COL24A1: variants seen among roughly 807,000 people sequenced by gnomAD.
COL24A1 encodes collagen type XXIV alpha 1 chain, also known as collagen alpha-1(XXIV) chain.
Under a neutral mutation model 253.9 loss-of-function variants are expected in COL24A1, and 224 were observed. That is an observed-to-expected ratio of 0.88 (90% CI 0.79 to 0.99). COL24A1 has a LOEUF of 0.99. Among genes scored for constraint, COL24A1 ranks in the 50% least tolerant of loss-of-function variants. COL24A1 has a pLI of 0.00. For missense variants in COL24A1, 2,131 were observed against 2,068.5 expected, an observed-to-expected ratio of 1.03 and a Z score of -0.59; for synonymous variants, 685 against 673.7, an observed-to-expected ratio of 1.02 and a Z score of -0.26.
chr1:85,821,608 C>T (rs1673627267), intron 45 of COL24A1, among the ~76,000 whole-genome samples: 1 of 152,144 alleles, frequency 6.6e-6, no homozygotes, highest in African/African-American at 2.4e-5. Flanking sequence ...ATTCTTGTAG[C>T]AATTAATACT....
At chr1:85,828,000 T>C (rs1674621507) in intron 43 of COL24A1, among the ~76,000 whole-genome samples, 1 of 152,106 alleles carries the variant, frequency 6.6e-6, no homozygotes, top group South Asian at 2.1e-4. Context: ...TCTAGTTCTT[T>C]TAATTGTGAT....
intron 53 of COL24A1, among the ~76,000 whole-genome samples, chr1:85,764,836 C>T (rs769278286): frequency 5.9e-5 from 9 of 152,016 alleles, no homozygotes; most frequent in Non-Finnish European, 1.2e-4. Flanking sequence ...TGGCTTTGAA[C>T]TCCTGGGCTC....
intron 42 of COL24A1, among the ~76,000 whole-genome samples, chr1:85,840,608 C>A (rs530267292): frequency 4.5e-4 from 69 of 152,040 alleles, no homozygotes; most frequent in African/African-American, 1.6e-3. Flanking sequence ...TCATTTAATC[C>A]ATTTAATTTA....
chr1:85,933,100 A>G (rs1286580972), intron 24 of COL24A1, among the ~76,000 whole-genome samples: 1 of 84,086 alleles, frequency 1.2e-5, no homozygotes, highest in African/African-American at 4.6e-5. Flanking sequence ...AAAAAAAAAA[A>G]AGAAAGAAAG....
At chr1:86,134,713 A>G (rs568532609) in intron 2 of COL24A1, among the ~76,000 whole-genome samples, 916 of 36,628 alleles carry the variant, frequency 0.025, 20 homozygotes, top group Non-Finnish European at 0.051. Context: ...GGCCTGAGAG[A>G]CAATTTGTTA....
At chr1:86,074,586 T>C (rs1019000875) in intron 7 of COL24A1, among the ~76,000 whole-genome samples, 1 of 152,158 alleles carries the variant, frequency 6.6e-6, no homozygotes, top group Non-Finnish European at 1.5e-5. Context: ...GGACTTGAAC[T>C]CAGCTCTGGA....
intron 33 of COL24A1, among the ~76,000 whole-genome samples, chr1:85,875,900 G>T (rs1681108997): frequency 6.6e-6 from 1 of 151,872 alleles, no homozygotes; most frequent in Admixed American, 6.6e-5. Context: ...ACTATTGCTT[G>T]ATGTTACAAC....
intron 4 of COL24A1, among the ~76,000 whole-genome samples, chr1:86,114,633 T>C (rs975219139): frequency 2.6e-5 from 4 of 152,194 alleles, no homozygotes; most frequent in Non-Finnish European, 5.9e-5. Context: ...GATGTGACTA[T>C]GGACAACTTA....
At chr1:85,747,548 A>C (rs1665377243) in intron 55 of COL24A1, among the ~76,000 whole-genome samples, 1 of 152,120 alleles carries the variant, frequency 6.6e-6, no homozygotes, top group Non-Finnish European at 1.5e-5. Flanking sequence ...ATTTTCCAAA[A>C]CAAAAAAATT....
chr1:85,989,378 C>T (rs909506286), intron 19 of COL24A1, among the ~76,000 whole-genome samples: 4 of 151,812 alleles, frequency 2.6e-5, no homozygotes, highest in African/African-American at 9.7e-5. Flanking sequence ...CCCACCACCA[C>T]CACGACCATC....
rs577948907 is a variant in COL24A1 at position 85,810,649 on chromosome 1, G to C, written c.3951+6139C>G. Among the ~76,000 whole-genome samples the C allele has an allele frequency of 9.9e-5, 15 of 152,206 alleles. 1 individual carries two copies. In the East Asian group the frequency reaches 1.6e-3, roughly 16 times the overall value. On this transcript the variant is annotated intron_variant, in intron 47 of 59. Coordinates refer to ENST00000370571, the MANE Select transcript of COL24A1 (RefSeq NM_152890.7). ...GGCTTGGTGCTGTCTTTCTGATAAT[G>C]AGTTCTCACAAGATGTGGTTATTTA...
intron 8 of COL24A1, among the ~76,000 whole-genome samples, chr1:86,062,315 C>T (rs1392985242): frequency 1.1e-4 from 16 of 152,100 alleles, no homozygotes; most frequent in South Asian, 2.1e-4. Flanking sequence ...GTCAGCTATG[C>T]TCCTCTGAAT....
chr1:85,877,735 T>C (rs1681349401), intron 32 of COL24A1, among the ~76,000 whole-genome samples: 1 of 152,234 alleles, frequency 6.6e-6, no homozygotes, highest in Non-Finnish European at 1.5e-5. Flanking sequence ...TTCATTCTTT[T>C]ATTCTTTAAT....
At chr1:85,761,243 G>A (rs417887) in intron 55 of COL24A1, among the ~76,000 whole-genome samples, 153 bp downstream of exon 55, 23,300 of 152,102 alleles carry the variant, frequency 0.15, 2,400 homozygotes, top group Non-Finnish European at 0.21. Context: ...TTTCATGTTT[G>A]TGTAGCTGGG....
At chr1:86,110,617 CG>C (rs1473325849) in intron 5 of COL24A1, among the ~76,000 whole-genome samples, 1 of 151,988 alleles carries the variant, frequency 6.6e-6, no homozygotes, top group Non-Finnish European at 1.5e-5. Flanking sequence ...GCGCGAGTTC[CG>C]GGTGGGCACA....
Position 85,842,099 on chromosome 1 carries a change from G to C in COL24A1, c.3539C>G (p.Pro1180Arg). Residue 1180 changes from proline to arginine, a missense_variant, in exon 41 of 60, where the codon CCC (proline) becomes CGC (arginine). By Grantham distance (103) the Pro-to-Arg change is moderately radical. Transcript: ENST00000370571. ...GYRGHQGQPG[P>R]SGLPGPKGEK... Reference sequence around the variant, plus strand: ...TCCTTTAGGTCCTGGCAATCCAGAGGGTCCTGGTTGGCCCTGATGGCCCTA... The same window carrying C: ...TCCTTTAGGTCCTGGCAATCCAGAGCGTCCTGGTTGGCCCTGATGGCCCTA... 1 of 1,613,706 alleles carries C rather than the reference G, an allele frequency of 6.2e-7. No homozygotes were observed. Among genetic ancestry groups the C allele is most frequent in the Non-Finnish European group, 8.5e-7 (1 of 1,179,780 alleles).
intron 3 of COL24A1, among the ~76,000 whole-genome samples, chr1:86,117,150 G>A (rs1267731245): frequency 1.3e-5 from 2 of 152,172 alleles, no homozygotes; most frequent in African/African-American, 4.8e-5. Context: ...TGTGACAAAA[G>A]AAAACACTAT....
intron 53 of COL24A1, among the ~76,000 whole-genome samples, chr1:85,770,355 A>T (rs1290025165): frequency 6.6e-6 from 1 of 152,060 alleles, no homozygotes; most frequent in Admixed American, 6.6e-5. Context: ...TTACCTTCTA[A>T]TCAAGACTTT....
At position 85,947,437 on chromosome 1, in the gene COL24A1, G is replaced by A. The variant is rs533392795; in HGVS notation, c.2562+13812C>T. On this transcript the variant is annotated intron_variant, in intron 24 of 59. Coordinates refer to ENST00000370571, the MANE Select transcript of COL24A1 (RefSeq NM_152890.7). ...TGAAACCAACTAAATTGCCTTATTC[G>A]GAACATGCATATTCTTTCAGTTTCA... Among the ~76,000 whole-genome samples the A allele has an allele frequency of 1.1e-3, 160 of 152,134 alleles. 1 individual carries two copies. The highest frequency in any genetic ancestry group is 7.8e-4 in the Non-Finnish European group (53 of 67,980).
Sources: allele counts gnomAD v4.1 joint callset (sites outside exome capture counted in the v4.1 genomes callset), GRCh38; gene constraint gnomAD v4.1.1; transcripts MANE v1.5; gene names NCBI Gene and HGNC (gene_info 2026-07-23, HGNC 2026-07-21).